GTF2E2: variants seen among roughly 807,000 people sequenced by gnomAD.
GTF2E2 encodes transcription initiation factor IIE subunit beta.
A neutral mutation model predicts 40.5 loss-of-function variants in GTF2E2; 21 were observed. That is an observed-to-expected ratio of 0.52 (90% CI 0.37 to 0.75). GTF2E2 has a LOEUF of 0.75. Ranked by LOEUF, GTF2E2 falls within the 30% of genes least tolerant of loss-of-function variation. The pLI is 0.00. For missense variants in GTF2E2, 298 were observed against 338.4 expected (o/e 0.88, Z 0.94); for synonymous variants, 117 against 121.6 (o/e 0.96, Z 0.25).
intron 6 of GTF2E2, among the ~76,000 whole-genome samples, chr8:30,586,981 G>A (rs112428635): frequency 3.9e-5 from 6 of 152,260 alleles, no homozygotes; most frequent in African/African-American, 1.4e-4. Flanking sequence ...AAAAGTTCAG[G>A]CAACAAAAGC....
At chr8:30,614,874 G>C (rs541447623) in intron 3 of GTF2E2, among the ~76,000 whole-genome samples, 159 bp from the exon 4 acceptor site, 1 of 152,084 alleles carries the variant, frequency 6.6e-6, no homozygotes, top group South Asian at 2.1e-4. Flanking sequence ...AATCAGAATG[G>C]GGTTGAAACT....
At position 30,645,155 on chromosome 8, in the gene GTF2E2, C is replaced by T. The variant is rs1421786889; in HGVS notation, c.166+8278G>A. 3.6e-6 allele frequency: 3 copies of T among 828,034 alleles called. No individual in the cohort carries two copies. The African/African-American group carries it at 5.2e-5, about 14-fold the overall frequency. The allele number at this position is 828,034 out of a possible 1,614,324, so 51.3% of individuals were successfully genotyped here. On this transcript the variant is annotated intron_variant, in intron 2 of 7. Coordinates refer to ENST00000355904, the MANE Select transcript of GTF2E2 (RefSeq NM_002095.6). ...GATATACAAAAAAATTCAAAACTAC[C>T]ATTTAGGCATTAATTAAGGAAGATT...
In GTF2E2 at chr8:30,612,419, G is replaced by A. The variant is rs1829502747; in HGVS notation, c.429C>T (p.Tyr143=). 6.2e-7 allele frequency: 1 copy of A among 1,612,344 alleles called. No individual in the cohort carries two copies. The highest frequency in any genetic ancestry group is 1.1e-5 in the South Asian group (1 of 91,048). Residue 143 remains tyrosine (Y), a synonymous_variant, in exon 5 of 8, where the codon TAC becomes TAT. Coordinates refer to ENST00000355904, the MANE Select transcript of GTF2E2 (RefSeq NM_002095.6). The part of the protein sequence containing the change: ...IDGKYAFKPK[Y]NVRDKKALLR... ...GTAGGGCCTTCTTATCTCTCACGTTGTACTTGGGCTTGAAAGCATACTTCC... is the reference window on the plus strand; with the variant it reads ...GTAGGGCCTTCTTATCTCTCACGTTATACTTGGGCTTGAAAGCATACTTCC...
intron 6 of GTF2E2, among the ~76,000 whole-genome samples, chr8:30,587,064 C>T (rs969864577): frequency 3.3e-5 from 5 of 152,112 alleles, no homozygotes; most frequent in Non-Finnish European, 7.4e-5. Context: ...GAAGAGACAA[C>T]CTACAAACTG....
chr8:30,636,929 C>T (rs1248635047), intron 2 of GTF2E2: 8 of 441,022 alleles, frequency 1.8e-5, no homozygotes, highest in South Asian at 3.3e-5. Flanking sequence ...ATATTACCTA[C>T]GTAGTTCATT....
chr8:30,657,983 A>C lies in GTF2E2; in HGVS notation c.-15T>G, dbSNP rs567150915. ...GGCCGCAGCCCCTACCTGAGTGAGA[A>C]GGGCAGCCTCGCACGACTCGCCGCC... On this transcript the variant is annotated 5_prime_UTR_variant, in exon 1 of 8. Coordinates refer to ENST00000355904, the MANE Select transcript of GTF2E2 (RefSeq NM_002095.6). 3 of 153,152 alleles carry C rather than the reference A, an allele frequency of 2.0e-5. No homozygotes were observed. Among genetic ancestry groups the C allele is most frequent in the East Asian group, 3.9e-4 (2 of 5,192 alleles). The allele number at this position is 153,152 out of a possible 1,614,324, so 9.5% of individuals were successfully genotyped here.
At chr8:30,599,719 T>TCACA (rs750676781) in intron 6 of GTF2E2, among the ~76,000 whole-genome samples, 2 of 152,278 alleles carry the variant, frequency 1.3e-5, no homozygotes, top group South Asian at 4.1e-4. Flanking sequence ...GCACGGTGGC[T>TCACA]CACACCTGTA....
chr8:30,608,940 A>T (rs1585960099), intron 5 of GTF2E2, among the ~76,000 whole-genome samples: 2 of 152,108 alleles, frequency 1.3e-5, no homozygotes, highest in African/African-American at 4.8e-5. Context: ...TAGTAGAGAC[A>T]GCGTTTCACC....
intron 3 of GTF2E2, among the ~76,000 whole-genome samples, chr8:30,623,924 T>A (rs771073025): frequency 6.6e-6 from 1 of 151,816 alleles, no homozygotes; most frequent in Non-Finnish European, 1.5e-5. Flanking sequence ...CTTTGTCAGA[T>A]GAGTAGATTG....
chr8:30,622,288 C>T (rs1300157845), intron 3 of GTF2E2, among the ~76,000 whole-genome samples: 1 of 151,862 alleles, frequency 6.6e-6, no homozygotes, highest in Non-Finnish European at 1.5e-5. Flanking sequence ...AATTTTAAAG[C>T]TGGGCGTCCA....
chr8:30,656,332 G>A (rs898776574), intron 1 of GTF2E2, among the ~76,000 whole-genome samples: 1 of 152,156 alleles, frequency 6.6e-6, no homozygotes, highest in Non-Finnish European at 1.5e-5. Flanking sequence ...ATGATTTACC[G>A]GGCTGAGGAA....
intron 3 of GTF2E2, among the ~76,000 whole-genome samples, chr8:30,621,337 C>G (rs1187802127): frequency 6.6e-6 from 1 of 152,066 alleles, no homozygotes; most frequent in Non-Finnish European, 1.5e-5. Context: ...GCATGAAAGC[C>G]TAACCATTTT....
chr8:30,594,857 CAA>C (rs201819515), intron 6 of GTF2E2, among the ~76,000 whole-genome samples: 21 of 106,372 alleles, frequency 2.0e-4, no homozygotes, highest in Non-Finnish European at 1.6e-4. Context: ...AACTTCATCT[CAA>C]AAAAAAAAAA....
intron 2 of GTF2E2, among the ~76,000 whole-genome samples, chr8:30,635,512 G>A (rs1162516063): frequency 2.0e-5 from 3 of 152,050 alleles, no homozygotes; most frequent in South Asian, 2.1e-4. Flanking sequence ...CCTTCTGAGA[G>A]GCTGGGACTA....
chr8:30,645,160 A>T, intron 2 of GTF2E2: 1 of 849,990 alleles, frequency 1.2e-6, no homozygotes, highest in Non-Finnish European at 1.8e-6. Flanking sequence ...ACTACCATTT[A>T]GGCATTAATT....
chr8:30,646,979 C>CAAAAAAAAAA (rs56762565), intron 2 of GTF2E2, among the ~76,000 whole-genome samples: 3 of 51,200 alleles, frequency 5.9e-5, no homozygotes, highest in African/African-American at 1.0e-4. Flanking sequence ...GACTCCGTCT[C>CAAAAAAAAAA]AAAAAAAAAA....
intron 2 of GTF2E2, among the ~76,000 whole-genome samples, chr8:30,639,952 C>T (rs1476984045): frequency 6.6e-6 from 1 of 151,986 alleles, no homozygotes; most frequent in East Asian, 1.9e-4. Flanking sequence ...AAGCACCAAA[C>T]AAAAGTCTCA....
intron 6 of GTF2E2, among the ~76,000 whole-genome samples, chr8:30,582,929 A>G (rs1828554937): frequency 6.6e-6 from 1 of 152,202 alleles, no homozygotes; most frequent in Non-Finnish European, 1.5e-5. Context: ...TCATATTATC[A>G]CTAATTTTAT....
intron 6 of GTF2E2, among the ~76,000 whole-genome samples, chr8:30,586,341 CCCCAGAA>C: frequency 6.6e-6 from 1 of 152,194 alleles, no homozygotes; most frequent in Admixed American, 6.5e-5. Flanking sequence ...ACAACGTAAT[CCCCAGAA>C]CCTGTGAATA....
Sources: allele counts gnomAD v4.1 joint callset (sites outside exome capture counted in the v4.1 genomes callset), GRCh38; gene constraint gnomAD v4.1.1; transcripts MANE v1.5; gene names NCBI Gene and HGNC (gene_info 2026-07-23, HGNC 2026-07-21).